The following XKR9 variants were observed in gnomAD, a reference collection of about 807,000 sequenced individuals.
XKR9 encodes the protein XK related 9, also known as XK-related protein 9.
Under a neutral mutation model 32.0 loss-of-function variants are expected in XKR9, and 32 were observed. That is an observed-to-expected ratio of 1.00 (90% CI 0.76 to 1.34). XKR9 has a LOEUF of 1.34. Ranked by LOEUF, XKR9 falls within the 40% of genes most tolerant of loss-of-function variation. XKR9 has a pLI of 0.00. For synonymous variants in XKR9, 168 were observed against 143.4 expected (o/e 1.17, Z -1.22); for missense variants, 546 against 429.7 (o/e 1.27, Z -2.39).
chr8:70,896,811 G>C, the XKR9 span, among the ~76,000 whole-genome samples: 1 of 152,012 alleles, frequency 6.6e-6, no homozygotes, highest in African/African-American at 2.4e-5. Context: ...GCCATACAAT[G>C]TGTAATAATC....
chr8:70,705,190 G>A (rs778446546), intron 3 of XKR9, among the ~76,000 whole-genome samples: 23 of 152,060 alleles, frequency 1.5e-4, no homozygotes, highest in Non-Finnish European at 3.1e-4. Context: ...AATGTCATGA[G>A]CTTTCATTTA....
At chr8:71,039,160 C>G in the XKR9 span, among the ~76,000 whole-genome samples, 92,833 of 151,926 alleles carry the variant, frequency 0.61, 30,345 homozygotes, top group East Asian at 0.93. Context: ...AATTCTGAAA[C>G]GGCTAAGGTA....
At chr8:71,018,286 C>T in the XKR9 span, among the ~76,000 whole-genome samples, 1 of 151,870 alleles carries the variant, frequency 6.6e-6, no homozygotes, top group Non-Finnish European at 1.5e-5. Context: ...TTTAAGATTA[C>T]TAAGAAAGGT....
At chr8:70,744,014 A>G (rs966752247) in intron 2 of XKR9, among the ~76,000 whole-genome samples, 2 of 152,238 alleles carry the variant, frequency 1.3e-5, no homozygotes, top group African/African-American at 2.4e-5. Flanking sequence ...TTATTAATCT[A>G]TAACATTTTC....
At chr8:70,836,085 T>A in the XKR9 span, among the ~76,000 whole-genome samples, 4 of 152,112 alleles carry the variant, frequency 2.6e-5, no homozygotes, top group Non-Finnish European at 4.4e-5. Context: ...TCTACCCATC[T>A]TATTTTTTGG....
the XKR9 span, among the ~76,000 whole-genome samples, chr8:70,848,240 C>G: frequency 4.6e-5 from 7 of 151,998 alleles, no homozygotes; most frequent in African/African-American, 1.7e-4. Flanking sequence ...ACAGATACCA[C>G]AAAAATATTC....
At chr8:70,701,838 C>A (rs1237646960) in intron 3 of XKR9, among the ~76,000 whole-genome samples, 1 of 152,020 alleles carries the variant, frequency 6.6e-6, no homozygotes, top group African/African-American at 2.4e-5. Flanking sequence ...GTTTCATTTT[C>A]CAGAATATAA....
chr8:70,772,742 T>C (rs1807469850), intron 2 of XKR9, among the ~76,000 whole-genome samples: 1 of 152,208 alleles, frequency 6.6e-6, no homozygotes, highest in Non-Finnish European at 1.5e-5. Context: ...AAAGACCTTT[T>C]GAAAAGATGA....
At chr8:70,812,968 A>G in the XKR9 span, among the ~76,000 whole-genome samples, 1 of 152,214 alleles carries the variant, frequency 6.6e-6, no homozygotes, top group Non-Finnish European at 1.5e-5. Flanking sequence ...GAACCAAAAA[A>G]GAGCCTGCAT....
the XKR9 span, among the ~76,000 whole-genome samples, chr8:70,854,425 C>G: frequency 6.6e-6 from 1 of 152,184 alleles, no homozygotes; most frequent in East Asian, 1.9e-4. Flanking sequence ...GATATTAGCC[C>G]TTTGTCAGAT....
the XKR9 span, among the ~76,000 whole-genome samples, chr8:70,808,922 C>T: frequency 1.3e-5 from 2 of 152,244 alleles, no homozygotes; most frequent in Non-Finnish European, 2.9e-5. Context: ...TTAAATGTCC[C>T]TGTCTGACAG....
chr8:70,994,932 C>T, the XKR9 span, among the ~76,000 whole-genome samples: 6 of 152,142 alleles, frequency 3.9e-5, no homozygotes, highest in East Asian at 1.2e-3. Flanking sequence ...GGAAGGGTAA[C>T]TATATGGGGG....
chr8:71,027,122 A>G, the XKR9 span, among the ~76,000 whole-genome samples: 1 of 152,022 alleles, frequency 6.6e-6, no homozygotes, highest in Non-Finnish European at 1.5e-5. Context: ...TGGCAGTTTT[A>G]TATGGCTTAC....
At chr8:70,750,228 G>C (rs1807119656) in intron 2 of XKR9, among the ~76,000 whole-genome samples, 2 of 152,156 alleles carry the variant, frequency 1.3e-5, no homozygotes, top group Admixed American at 1.3e-4. Flanking sequence ...ATATAAATTA[G>C]GGATTGCATT....
At chr8:70,743,100 C>A (rs951658073) in intron 2 of XKR9, among the ~76,000 whole-genome samples, 2 of 151,736 alleles carry the variant, frequency 1.3e-5, no homozygotes, top group Non-Finnish European at 1.5e-5. Context: ...TCATTTTTTT[C>A]CAATTTGTTT....
chr8:70,804,410 T>C, the XKR9 span, among the ~76,000 whole-genome samples: 41 of 152,276 alleles, frequency 2.7e-4, no homozygotes, highest in Admixed American at 2.6e-3. Context: ...GTACAACTTA[T>C]AGATTCAAAT....
downstream of XKR9, among the ~76,000 whole-genome samples, chr8:70,739,837 G>T (rs867220349): frequency 6.6e-6 from 1 of 152,156 alleles, no homozygotes; most frequent in African/African-American, 2.4e-5. Context: ...CGAGAGATCC[G>T]CCGTTGGTCT....
chr8:70,886,110 A>T, the XKR9 span, among the ~76,000 whole-genome samples: 1 of 152,084 alleles, frequency 6.6e-6, no homozygotes, highest in Admixed American at 6.5e-5. Context: ...CTCATTGTTC[A>T]GCTCCTACTA....
At chr8:70,759,470 A>G (rs942237483) in intron 2 of XKR9, among the ~76,000 whole-genome samples, 16 of 152,236 alleles carry the variant, frequency 1.1e-4, no homozygotes, top group Non-Finnish European at 1.6e-4. Context: ...AGGTTTGGAA[A>G]TAATCTGTCT....
Sources: allele counts gnomAD v4.1 joint callset (sites outside exome capture counted in the v4.1 genomes callset), GRCh38; gene constraint gnomAD v4.1.1; transcripts MANE v1.5; gene names NCBI Gene and HGNC (gene_info 2026-07-23, HGNC 2026-07-21).